The following MEI1 variants were observed in gnomAD, a reference collection of about 807,000 sequenced individuals.
MEI1 encodes meiotic double-stranded break formation protein 1.
MEI1 carries 103 observed loss-of-function variants against 146.2 expected under a neutral mutation model. That is an observed-to-expected ratio of 0.70 (90% confidence interval 0.60 to 0.83). MEI1 has a LOEUF of 0.83. MEI1 is among the 40% of genes least tolerant of loss of function. The pLI, the probability that MEI1 is intolerant of heterozygous loss-of-function variation, is 0.00. For missense variants in MEI1, 1,529 were observed against 1,533.0 expected (o/e 1.00, Z 0.04); for synonymous variants, 652 against 628.2 (o/e 1.04, Z -0.57).
At chr22:41,764,211 C>T (rs1450872575) in intron 19 of MEI1, among the ~76,000 whole-genome samples, 3 of 152,170 alleles carry the variant, frequency 2.0e-5, no homozygotes, top group Admixed American at 6.6e-5. Flanking sequence ...CTGCCCGCCT[C>T]GGCCTCCCAA....
intron 16 of MEI1, 23 bp downstream of exon 16, chr22:41,752,674 T>A: frequency 6.3e-7 from 1 of 1,579,630 alleles, no homozygotes. Context: ...CCAGGCAAGA[T>A]TGAGTGGCCA....
chr22:41,732,268 C>G lies in MEI1; in HGVS notation c.1120C>G (p.Leu374Val). Residue 374 changes from leucine (L) to valine (V), a missense_variant, in exon 10 of 31, where the codon CTG (leucine) becomes GTG (valine). Physicochemically the swap from Leu to Val is conservative, Grantham distance 32 (BLOSUM62 1). Around this residue, in one of 3 missense-constraint regions of MEI1, gnomAD observed 1,212 missense variants for 1,178.9 expected, o/e 1.03. Transcript: ENST00000401548. ...AGGGATCGAGGCAGTGGTGAGGAGC[C>G]TGCAGGGAAGCCTGAAGATGAACAA... ...VYGIEAVVRS[L>V]QGSLKMNNIE... The G allele has an allele frequency of 6.2e-7, 1 of 1,611,396 alleles. No individual in the cohort carries two copies. The highest frequency in any genetic ancestry group is 8.5e-7 in the Non-Finnish European group (1 of 1,178,970).
intron 11 of MEI1, among the ~76,000 whole-genome samples, chr22:41,737,536 G>C (rs2072483811): frequency 6.6e-6 from 1 of 150,808 alleles, no homozygotes; most frequent in South Asian, 2.1e-4. Flanking sequence ...ACCGCGCCCG[G>C]CCTCTTTTTT....
intron 17 of MEI1, 134 bp downstream of exon 17, chr22:41,754,180 G>A: frequency 1.5e-6 from 1 of 654,400 alleles, no homozygotes; most frequent in South Asian, 1.8e-5. Context: ...AGGAATCGGA[G>A]TGATGCAATT....
intron 12 of MEI1, 65 bp downstream of exon 12, chr22:41,743,259 A>C (rs1036271356): frequency 3.5e-6 from 4 of 1,137,638 alleles, no homozygotes; most frequent in Non-Finnish European, 5.2e-6. Context: ...AAAGATAATT[A>C]GTATATTCCC....
intron 3 of MEI1, among the ~76,000 whole-genome samples, chr22:41,706,824 G>T (rs2069129978): frequency 6.6e-6 from 1 of 152,048 alleles, no homozygotes; most frequent in Non-Finnish European, 1.5e-5. Context: ...GAGAGAGTGA[G>T]AATTGTACTA....
At chr22:41,699,859 C>T (rs916796858) in intron 1 of MEI1, 147 bp downstream of exon 1, 1 of 1,102,530 alleles carries the variant, frequency 9.1e-7, no homozygotes, top group African/African-American at 1.7e-5. Context: ...GTCAGCCCGT[C>T]CCGGACCCGG....
chr22:41,707,718 G>A (rs949026335), intron 3 of MEI1, among the ~76,000 whole-genome samples: 3 of 152,202 alleles, frequency 2.0e-5, no homozygotes, highest in African/African-American at 7.2e-5. Context: ...TGAATGGGAA[G>A]CAGACAGGAA....
chr22:41,754,530 T>C (rs934650811), intron 17 of MEI1, among the ~76,000 whole-genome samples: 7 of 152,094 alleles, frequency 4.6e-5, no homozygotes, highest in Admixed American at 4.6e-4. Flanking sequence ...GCCTTCCAGG[T>C]TCAAGTGAGT....
chr22:41,752,123 A>G (rs2073802499), intron 15 of MEI1, among the ~76,000 whole-genome samples: 1 of 152,138 alleles, frequency 6.6e-6, no homozygotes, highest in Admixed American at 6.6e-5. Flanking sequence ...CTGAGAATCA[A>G]TTGCTTTCAA....
chr22:41,716,223 C>G, intron 5 of MEI1, 77 bp downstream of exon 5: 1 of 958,258 alleles, frequency 1.0e-6, no homozygotes, highest in South Asian at 1.5e-5. Context: ...GTCCCATTCA[C>G]TCTGTACACC....
intron 6 of MEI1, among the ~76,000 whole-genome samples, chr22:41,719,979 C>T (rs922910504): frequency 9.9e-5 from 15 of 152,114 alleles, no homozygotes; most frequent in African/African-American, 3.6e-4. Context: ...ACATAGTGAG[C>T]ATTCGTTCTA....
At chr22:41,793,538 G>T (rs2076266049) in intron 26 of MEI1, among the ~76,000 whole-genome samples, 2 of 151,532 alleles carry the variant, frequency 1.3e-5, no homozygotes, top group Non-Finnish European at 2.9e-5. Context: ...CCGACCTCAG[G>T]TGATCCAGAC....
intron 26 of MEI1, among the ~76,000 whole-genome samples, chr22:41,790,782 A>G (rs974552960): frequency 1.3e-5 from 2 of 152,128 alleles, no homozygotes; most frequent in Admixed American, 6.6e-5. Context: ...TAGTAGAGAC[A>G]AGGTTTCACC....
chr22:41,765,970 A>C (rs2074824995), intron 19 of MEI1, among the ~76,000 whole-genome samples: 1 of 145,200 alleles, frequency 6.9e-6, no homozygotes, highest in Admixed American at 7.2e-5. Flanking sequence ...GGCTCACTGC[A>C]ACCTCCGCCT....
chr22:41,787,526 G>T (rs2076034957), intron 26 of MEI1, among the ~76,000 whole-genome samples: 1 of 152,182 alleles, frequency 6.6e-6, no homozygotes, highest in African/African-American at 2.4e-5. Context: ...AAGAGTTTAA[G>T]TTCATGGGAG....
intron 7 of MEI1, among the ~76,000 whole-genome samples, chr22:41,724,383 G>C (rs765808000): frequency 2.6e-5 from 4 of 152,124 alleles, no homozygotes; most frequent in Non-Finnish European, 5.9e-5. Flanking sequence ...GTTTTGGGAG[G>C]CCAAGGCTGG....
intron 17 of MEI1, among the ~76,000 whole-genome samples, chr22:41,754,750 C>G (rs1012994461): frequency 6.6e-6 from 1 of 152,170 alleles, no homozygotes; most frequent in African/African-American, 2.4e-5. Flanking sequence ...TCTTGAGCAC[C>G]TGTTGTGTGT....
intron 19 of MEI1, among the ~76,000 whole-genome samples, 172 bp from the exon 20 acceptor site, chr22:41,770,514 A>G (rs942294966): frequency 2.6e-5 from 4 of 152,128 alleles, no homozygotes; most frequent in African/African-American, 9.7e-5. Flanking sequence ...AACTTCTGTT[A>G]TAAGGTAAGT....
Sources: gnomAD v4.1 joint callset for allele counts (sites outside exome capture counted in the v4.1 genomes callset) on GRCh38, gnomAD v4.1.1 for gene constraint, gnomAD v4.1.1 regional missense constraint, MANE v1.5 for transcripts, NCBI Gene and HGNC (gene_info 2026-07-23, HGNC 2026-07-21) for gene names.